ZNF425: variants seen among roughly 807,000 people sequenced by gnomAD.
The protein encoded by ZNF425 is zinc finger protein 425.
ZNF425 carries 21 observed loss-of-function variants against 17.0 expected under a neutral mutation model. The observed-to-expected ratio is 1.23, with a 90% confidence interval of 0.88 to 1.78. ZNF425 has a LOEUF of 1.78. Among genes scored for constraint, ZNF425 ranks in the 40% most tolerant of loss-of-function variants. The pLI, the probability that ZNF425 is intolerant of heterozygous loss-of-function variation, is 0.00. For missense variants in ZNF425, 868 were observed against 967.3 expected, an observed-to-expected ratio of 0.90 and a Z score of 1.36; for synonymous variants, 433 against 384.1, an observed-to-expected ratio of 1.13 and a Z score of -1.49.
chr7:149,111,357 C>T (rs1227036783), intron 3 of ZNF425, among the ~76,000 whole-genome samples: 3 of 150,188 alleles, frequency 2.0e-5, no homozygotes, highest in East Asian at 4.1e-4. Context: ...TTTGGGAGGC[C>T]GAGTTGGATG....
At chr7:149,106,598 CTT>C (rs1359731977) in intron 3 of ZNF425, among the ~76,000 whole-genome samples, 2 of 152,168 alleles carry the variant, frequency 1.3e-5, no homozygotes, top group Non-Finnish European at 2.9e-5. Context: ...ATCTCAATGA[CTT>C]TGTCAATCTG....
At chr7:149,110,632 G>A (rs918774072) in intron 3 of ZNF425, among the ~76,000 whole-genome samples, 1 of 151,430 alleles carries the variant, frequency 6.6e-6, no homozygotes, top group African/African-American at 2.4e-5. Flanking sequence ...ATGTCACAAG[G>A]AATTCAAAAG....
intron 3 of ZNF425, 109 bp from the exon 4 acceptor site, chr7:149,105,675 G>C (rs1476475385): frequency 1.4e-6 from 1 of 721,190 alleles, no homozygotes; most frequent in Non-Finnish European, 1.9e-6. Context: ...TTTTGCGATA[G>C]AGTCTCGCTC....
In ZNF425 at chr7:149,104,124, C is replaced by T. The variant is rs538143174; in HGVS notation, c.1747G>A (p.Ala583Thr). 2 of 1,612,150 alleles carry T rather than the reference C, an allele frequency of 1.2e-6. No individual in the cohort carries two copies. Among genetic ancestry groups the T allele is most frequent in the South Asian group, 1.1e-5 (1 of 91,048 alleles). ...QRMHRDEKPF[A>T]CGECDKTYTH... is the part of the protein sequence containing the mutation. Reference sequence around the variant, plus strand: ...TAGGTCTTGTCACACTCACCGCACGCGAAGGGCTTCTCGTCCCTGTGCATC... The same window carrying T: ...TAGGTCTTGTCACACTCACCGCACGTGAAGGGCTTCTCGTCCCTGTGCATC... The change falls in exon 4 of 4, where the codon GCG becomes ACG. Residue 583 changes from alanine (A) to threonine (T), a missense_variant. This residue lies in a region of ZNF425 where 437 missense variants were observed against 444.2 expected (regional missense o/e 0.98). Coordinates refer to ENST00000378061, the MANE Select transcript of ZNF425 (RefSeq NM_001001661.3). The surrounding 1 kb of genome is among the most constrained non-coding windows in gnomAD (Gnocchi z 4.3).
chr7:149,123,937 T>A (rs147722949), intron 1 of ZNF425, among the ~76,000 whole-genome samples: 2,057 of 147,856 alleles, frequency 0.014, 16 homozygotes, highest in African/African-American at 0.024. Flanking sequence ...AAGCTCCGCC[T>A]CCCGGGTTCA....
At position 149,103,691 on chromosome 7, in the gene ZNF425, C is replaced by T. The variant is rs1369233107; in HGVS notation, c.2180G>A (p.Cys727Tyr). The T allele has an allele frequency of 3.1e-6, 5 of 1,614,064 alleles. No individual in the cohort carries two copies. Among genetic ancestry groups the T allele is most frequent in the African/African-American group, 2.7e-5 (2 of 74,934 alleles). Residue 727 changes from cysteine to tyrosine, a missense_variant, in exon 4 of 4, where the codon TGT (cysteine) becomes TAT (tyrosine). Transcript: ENST00000378061. ...SGERPFSCDE[C>Y]GRSFTYVGAL... Reference sequence around the variant, plus strand: ...CCCCACGTACGTGAAGCTCCTTCCACACTCATCACAAGAAAAAGGCCTCTC... The same window carrying T: ...CCCCACGTACGTGAAGCTCCTTCCATACTCATCACAAGAAAAAGGCCTCTC...
chr7:149,125,980 G>A, intron 1 of ZNF425: 2 of 1,031,440 alleles, frequency 1.9e-6, no homozygotes, highest in South Asian at 3.0e-5. Flanking sequence ...GCGCGGCCAA[G>A]CCCGGCCAGA....
At chr7:149,108,162 G>A (rs530334509) in intron 3 of ZNF425, among the ~76,000 whole-genome samples, 2 of 152,080 alleles carry the variant, frequency 1.3e-5, no homozygotes, top group East Asian at 3.9e-4. Flanking sequence ...ATGAGCCACT[G>A]TACCTGAGCA....
rs1354480085 is a variant in ZNF425 at position 149,122,289 on chromosome 7, T to C, written c.18+3907A>G. Among the ~76,000 whole-genome samples the C allele has an allele frequency of 3.3e-5, 5 of 151,910 alleles. No homozygotes were observed. In the East Asian group the frequency reaches 9.6e-4, roughly 29 times the overall value. The stretch of plus-strand genomic sequence containing the variant: ...TTAACTGTCCAAGGAAGATTCTTTT[T>C]TTTTTTAAATAAAGATGGTGTCTTG... On this transcript the variant is annotated intron_variant, in intron 1 of 3. Coordinates refer to ENST00000378061, the MANE Select transcript of ZNF425 (RefSeq NM_001001661.3).
intron 3 of ZNF425, among the ~76,000 whole-genome samples, chr7:149,107,438 T>G (rs188094814): frequency 1.3e-5 from 2 of 151,594 alleles, no homozygotes; most frequent in Non-Finnish European, 2.9e-5. Flanking sequence ...CCCGGGTTCA[T>G]GCCATTCTCC....
chr7:149,121,773 CTG>C (rs1236329576), intron 1 of ZNF425, among the ~76,000 whole-genome samples: 1 of 152,176 alleles, frequency 6.6e-6, no homozygotes, highest in East Asian at 1.9e-4. Flanking sequence ...CTACTTTTAA[CTG>C]TTCTGATAGG....
chr7:149,110,967 G>A (rs1826165558), intron 3 of ZNF425, among the ~76,000 whole-genome samples: 1 of 151,314 alleles, frequency 6.6e-6, no homozygotes, highest in Non-Finnish European at 1.5e-5. Flanking sequence ...GCTAATTTTT[G>A]TATTTTTAGT....
At chr7:149,119,762 ATAAAG>A (rs1232269069) in intron 1 of ZNF425, among the ~76,000 whole-genome samples, 3 of 152,228 alleles carry the variant, frequency 2.0e-5, no homozygotes, top group Non-Finnish European at 4.4e-5. Context: ...AAAAAATAAA[ATAAAG>A]TAAAATTTTA....
chr7:149,121,516 C>T (rs189442523), intron 1 of ZNF425, among the ~76,000 whole-genome samples: 1,965 of 151,906 alleles, frequency 0.013, 35 homozygotes, highest in African/African-American at 0.045. Context: ...CTCAGCCTCA[C>T]GAGCAGCTGG....
rs760279126 is a variant in ZNF425 at position 149,126,237 on chromosome 7, T to C, written c.-24A>G. 30 of 1,609,390 alleles carry C rather than the reference T, an allele frequency of 1.9e-5. No homozygotes were observed. Among genetic ancestry groups the C allele is most frequent in the Non-Finnish European group, 2.2e-5 (26 of 1,178,356 alleles). On this transcript the variant is annotated 5_prime_UTR_variant, in exon 1 of 4. Transcript: ENST00000378061. ...ATGGCGGTTCCGCACGAACCGGCCCTGCCTGGCACGGCCTCCCCTCCGCTC... is the reference window on the plus strand; with the variant it reads ...ATGGCGGTTCCGCACGAACCGGCCCCGCCTGGCACGGCCTCCCCTCCGCTC...
chr7:149,107,349 T>TTTATTTA, intron 3 of ZNF425, among the ~76,000 whole-genome samples: 1 of 125,316 alleles, frequency 8.0e-6, no homozygotes, highest in Non-Finnish European at 1.6e-5. Context: ...TTATTTATTT[T>TTTATTTA]TTTTCTGAGA....
chr7:149,123,190 T>C (rs1826389263), intron 1 of ZNF425, among the ~76,000 whole-genome samples: 1 of 152,160 alleles, frequency 6.6e-6, no homozygotes, highest in Non-Finnish European at 1.5e-5. Context: ...TCCTGGGTGT[T>C]TGAGGACAGA....
intron 3 of ZNF425, among the ~76,000 whole-genome samples, chr7:149,107,142 T>A (rs1419264068): frequency 6.6e-6 from 1 of 151,578 alleles, no homozygotes; most frequent in East Asian, 1.9e-4. Context: ...GAGGACAGCT[T>A]AGGGCCATAT....
rs771324932 is a variant in ZNF425 at position 149,104,569 on chromosome 7, C to A, written c.1302G>T (p.Leu434=). ...RLKRSLKAHG[L]QHIGKRPFQC... ...GGAAGGGCCGCTTCCCAATGTGCTG[C>A]AGCCCGTGGGCTTTCAGGCTTCTCT... The change falls in exon 4 of 4, where the codon CTG becomes CTT. Residue 434 remains leucine (L), a synonymous_variant. Coordinates refer to ENST00000378061, the MANE Select transcript of ZNF425 (RefSeq NM_001001661.3). The surrounding 1 kb of genome is among the most constrained non-coding windows in gnomAD (Gnocchi z 4.3). 37 of 1,613,654 alleles carry A rather than the reference C, an allele frequency of 2.3e-5. No homozygotes were observed. Among genetic ancestry groups the A allele is most frequent in the Non-Finnish European group, 3.0e-5 (35 of 1,179,908 alleles).
Sources: gnomAD v4.1 joint callset for allele counts (sites outside exome capture counted in the v4.1 genomes callset) on GRCh38, gnomAD v4.1.1 for gene constraint, gnomAD v4.1.1 regional missense constraint, Gnocchi (gnomAD v3.1) non-coding constraint, MANE v1.5 for transcripts, NCBI Gene and HGNC (gene_info 2026-07-23, HGNC 2026-07-21) for gene names.